Variants in NECAP2 observed in about 807,000 individuals in gnomAD.
NECAP2 encodes adaptin ear-binding coat-associated protein 2.
Under a neutral mutation model 37.8 loss-of-function variants are expected in NECAP2, and 38 were observed. The ratio of observed to expected loss-of-function variants is 1.01; its 90% CI spans 0.78 to 1.32. NECAP2 has a LOEUF of 1.32. Among genes scored for constraint, NECAP2 ranks in the 40% most tolerant of loss-of-function variants. The probability of loss-of-function intolerance (pLI) is 0.00; values close to 1 mark genes in which losing one functional copy is unlikely to be tolerated. For synonymous variants in NECAP2, 121 were observed against 127.7 expected, an observed-to-expected ratio of 0.95 and a Z score of 0.35; for missense variants, 316 against 334.5, an observed-to-expected ratio of 0.94 and a Z score of 0.43.
chr1:16,447,472 T>C (rs540236458), intron 2 of NECAP2, among the ~76,000 whole-genome samples: 2 of 152,272 alleles, frequency 1.3e-5, no homozygotes, highest in South Asian at 4.1e-4. Context: ...CAGGTGTGAT[T>C]ACCTAGGCCA....
In NECAP2 at chr1:16,459,305, T is replaced by G; in HGVS notation, c.*415T>G. ...CATGATCACAGTTCAGCGGGAGGCT[T>G]TCCGTACCCACACTGGCTGTAGCCA... On this transcript the variant is annotated 3_prime_UTR_variant, in exon 8 of 8. Coordinates refer to ENST00000337132, the MANE Select transcript of NECAP2 (RefSeq NM_018090.5). 1 of 184,092 alleles carries G rather than the reference T, an allele frequency of 5.4e-6. No homozygotes were observed. 11.4% of individuals were successfully genotyped at this position (184,092 alleles called of 1,614,324 possible).
chr1:16,447,625 G>T (rs1323472144), intron 2 of NECAP2, among the ~76,000 whole-genome samples: 1 of 152,186 alleles, frequency 6.6e-6, no homozygotes, highest in Non-Finnish European at 1.5e-5. Context: ...AGAGAGGCCA[G>T]GCAGAATACC....
chr1:16,446,840 A>C (rs2086770583), intron 2 of NECAP2, among the ~76,000 whole-genome samples: 1 of 152,134 alleles, frequency 6.6e-6, no homozygotes. Context: ...CAGGCAGATC[A>C]CCTGAGGTCA....
At position 16,452,041 on chromosome 1, in the gene NECAP2, C is replaced by T. The variant is rs746959200; in HGVS notation, c.667+26C>T. 1.8e-5 allele frequency: 28 copies of T among 1,536,556 alleles called. 1 individual carries two copies. The South Asian group carries it at 2.8e-4, about 15-fold the overall frequency. ...GTTAGTGCTCAGTGGGTGACTGCTGCATCAGTACCTGCCGGCTCCTCTTCT... is the reference window on the plus strand; with the variant it reads ...GTTAGTGCTCAGTGGGTGACTGCTGTATCAGTACCTGCCGGCTCCTCTTCT... On this transcript the variant is annotated intron_variant, in intron 6 of 7. Coordinates refer to ENST00000337132, the MANE Select transcript of NECAP2 (RefSeq NM_018090.5).
At position 16,456,231 on chromosome 1, in the gene NECAP2, G is replaced by T. The variant is rs998047913; in HGVS notation, c.743+338G>T. 2.0e-5 allele frequency among the ~76,000 whole-genome samples: 3 copies of T among 152,032 alleles called. No individual in the cohort carries two copies. The East Asian group carries it at 5.8e-4, about 30-fold the overall frequency. On this transcript the variant is annotated intron_variant, in intron 7 of 7. Transcript: ENST00000337132. ...GTAGAGATGGGGTTTTACCATGTTC[G>T]TCAGGGTTGTCTTGAACTCCTGACC...
At position 16,440,735 on chromosome 1, in the gene NECAP2, G is replaced by A; in HGVS notation, c.-27G>A. 1 of 1,606,386 alleles carries A rather than the reference G, an allele frequency of 6.2e-7. No individual in the cohort carries two copies. Among genetic ancestry groups the A allele is most frequent in the Non-Finnish European group, 8.5e-7 (1 of 1,173,142 alleles). On this transcript the variant is annotated 5_prime_UTR_variant, in exon 1 of 8. Coordinates refer to ENST00000337132, the MANE Select transcript of NECAP2 (RefSeq NM_018090.5). Reference sequence around the variant, plus strand: ...GACAGAGGAACGGTGGAAGTCGCCGGAAGTTCGGTGGGCTCCAGGCGTCGC... The same window carrying A: ...GACAGAGGAACGGTGGAAGTCGCCGAAAGTTCGGTGGGCTCCAGGCGTCGC...
intron 7 of NECAP2, among the ~76,000 whole-genome samples, chr1:16,457,707 G>GGTTTTTTTTTTTTTT (rs1174757173): frequency 9.5e-6 from 1 of 105,498 alleles, no homozygotes; most frequent in African/African-American, 3.8e-5. Context: ...TAGTAATTCT[G>GGTTTTTTTTTTTTTT]TTTTTTTTTT....
chr1:16,452,558 A>C (rs1023111740), intron 6 of NECAP2, among the ~76,000 whole-genome samples: 3 of 152,024 alleles, frequency 2.0e-5, no homozygotes, highest in African/African-American at 7.2e-5. Flanking sequence ...ATTTAGGGAG[A>C]TGGGTACAGC....
chr1:16,458,498 G>C (rs2086961383), intron 7 of NECAP2, among the ~76,000 whole-genome samples: 1 of 152,018 alleles, frequency 6.6e-6, no homozygotes, highest in Non-Finnish European at 1.5e-5. Flanking sequence ...GGCTGAGGTA[G>C]GAGGATCGCT....
intron 1 of NECAP2, chr1:16,441,062 G>A: frequency 1.7e-6 from 1 of 577,962 alleles, no homozygotes; most frequent in Non-Finnish European, 3.1e-6. Flanking sequence ...TCCTGGCGGC[G>A]GGGAGGGCGT....
At chr1:16,448,539 A>G (rs1570262517) in intron 4 of NECAP2, among the ~76,000 whole-genome samples, 1 of 151,986 alleles carries the variant, frequency 6.6e-6, no homozygotes, top group African/African-American at 2.4e-5. Flanking sequence ...GTCCTCCTCC[A>G]CCATCTGCAG....
At chr1:16,445,936 G>A (rs941375161) in intron 2 of NECAP2, among the ~76,000 whole-genome samples, 2 of 151,966 alleles carry the variant, frequency 1.3e-5, no homozygotes, top group Admixed American at 6.6e-5. Context: ...GGCCGGGCAC[G>A]GTGGCTCACC....
chr1:16,451,705 T>C, intron 5 of NECAP2, 133 bp from the exon 6 acceptor site: 1 of 798,810 alleles, frequency 1.3e-6, no homozygotes, highest in East Asian at 2.4e-5. Context: ...GCAATGGAGG[T>C]GCTAGGTAGG....
At chr1:16,453,109 CTTT>C (rs977932724) in intron 6 of NECAP2, among the ~76,000 whole-genome samples, 2 of 141,540 alleles carry the variant, frequency 1.4e-5, no homozygotes. Flanking sequence ...ATTCTTGTGT[CTTT>C]TTTTTTTTTT....
chr1:16,455,808 A>G lies in NECAP2; in HGVS notation c.668-10A>G, dbSNP rs1425865231. The G allele has an allele frequency of 1.2e-6, 2 of 1,612,266 alleles. No individual in the cohort carries two copies. The highest frequency in any genetic ancestry group is 1.7e-6 in the Non-Finnish European group (2 of 1,178,342). ...CTCTTCCTACGGGTCGGACTCGGGA[A>G]CATCAATAGGAGGTGCTCCTGTACC... On this transcript the variant is annotated splice_polypyrimidine_tract_variant and intron_variant, in intron 6 of 7. Transcript: ENST00000337132.
Position 16,459,985 on chromosome 1 carries a change from T to G in NECAP2, c.*1095T>G, listed in dbSNP as rs951366489. ...ACTCACCTCTCAGTTGAAAGATTTC[T>G]TCTTTGAAAGGTCAAGACCGTGAAC... On this transcript the variant is annotated 3_prime_UTR_variant, in exon 8 of 8. Transcript: ENST00000337132. The G allele has an allele frequency of 4.6e-5, 7 of 152,242 alleles. No homozygotes were observed. The highest frequency in any genetic ancestry group is 8.8e-5 in the Non-Finnish European group (6 of 68,044). The allele number at this position is 152,242 out of a possible 1,614,324, so 9.4% of individuals were successfully genotyped here. A position where few individuals can be genotyped will look rare whatever the true frequency, so the allele number is the denominator to read the frequency against.
chr1:16,442,181 T>C (rs1226233136), intron 1 of NECAP2, among the ~76,000 whole-genome samples: 1 of 145,198 alleles, frequency 6.9e-6, no homozygotes. Flanking sequence ...TTTCTCCATG[T>C]TGGTCAGGCT....
intron 7 of NECAP2, 57 bp downstream of exon 7, chr1:16,455,950 C>A: frequency 7.6e-7 from 1 of 1,322,996 alleles, no homozygotes; most frequent in Non-Finnish European, 1.1e-6. Flanking sequence ...CTCTACAAAC[C>A]TGGTATTGTT....
chr1:16,457,639 A>G (rs977054713), intron 7 of NECAP2, among the ~76,000 whole-genome samples: 6 of 152,230 alleles, frequency 3.9e-5, no homozygotes, highest in Admixed American at 1.3e-4. Flanking sequence ...CTTTGGAACA[A>G]AAGACATTCT....
Sources: allele counts gnomAD v4.1 joint callset (sites outside exome capture counted in the v4.1 genomes callset), GRCh38; gene constraint gnomAD v4.1.1; transcripts MANE v1.5; gene names NCBI Gene and HGNC (gene_info 2026-07-23, HGNC 2026-07-21).